WDR41: variants seen among roughly 807,000 people sequenced by gnomAD.
WDR41 encodes the protein WD repeat domain 41.
Under a neutral mutation model 69.3 loss-of-function variants are expected in WDR41, and 63 were observed. That is an observed-to-expected ratio of 0.91 (90% CI 0.74 to 1.12). The LOEUF is 1.12. Ranked by LOEUF, WDR41 falls within the 50% of genes most tolerant of loss-of-function variation. The pLI is 0.00. For missense variants in WDR41, 543 were observed against 534.5 expected, an observed-to-expected ratio of 1.02 and a Z score of -0.16; for synonymous variants, 185 against 192.1, an observed-to-expected ratio of 0.96 and a Z score of 0.31.
chr5:77,466,686 T>C (rs1456433697), intron 2 of WDR41, among the ~76,000 whole-genome samples: 1 of 151,868 alleles, frequency 6.6e-6, no homozygotes, highest in African/African-American at 2.4e-5. Flanking sequence ...AAAAGTTAAA[T>C]CTAAATAAGG....
chr5:77,578,431 GT>G (rs1222294286), intron 1 of WDR41, among the ~76,000 whole-genome samples: 1 of 152,002 alleles, frequency 6.6e-6, no homozygotes, highest in African/African-American at 2.4e-5. Context: ...CATTTTCCAA[GT>G]AAAAAATGCA....
chr5:77,442,894 C>CAAAAA (rs60442242), intron 8 of WDR41, among the ~76,000 whole-genome samples: 5 of 56,264 alleles, frequency 8.9e-5, no homozygotes, highest in Middle Eastern at 0.019. Context: ...TCTGTCTCCC[C>CAAAAA]AAAAAAAAAA....
intron 1 of WDR41, among the ~76,000 whole-genome samples, chr5:77,583,558 T>C (rs1439668321): frequency 1.3e-5 from 2 of 151,780 alleles, no homozygotes; most frequent in African/African-American, 4.8e-5. Context: ...TTCATGTCTG[T>C]ATCAAAATAT....
chr5:77,490,369 C>T (rs373696398), intron 1 of WDR41, among the ~76,000 whole-genome samples: 21 of 152,236 alleles, frequency 1.4e-4, no homozygotes, highest in Middle Eastern at 3.4e-3. Flanking sequence ...CTCTGCAAGG[C>T]ATGACAATCA....
chr5:77,439,254 C>A (rs1799065756), intron 9 of WDR41, among the ~76,000 whole-genome samples: 1 of 152,192 alleles, frequency 6.6e-6, no homozygotes, highest in African/African-American at 2.4e-5. Context: ...TTCTTGTTTT[C>A]ACCAGAGATT....
upstream of WDR41, chr5:77,492,461 A>T (rs1399070515): frequency 2.2e-6 from 1 of 444,958 alleles, no homozygotes; most frequent in Admixed American, 4.4e-5. Flanking sequence ...GCGGCGGCCG[A>T]CGGCGGGGGC....
chr5:77,583,842 T>C (rs1434428863), intron 1 of WDR41, among the ~76,000 whole-genome samples: 1 of 152,156 alleles, frequency 6.6e-6, no homozygotes, highest in Non-Finnish European at 1.5e-5. Flanking sequence ...TTTATAAATA[T>C]GGATGCAAAA....
At chr5:77,504,824 G>T (rs1023820813) in intron 1 of WDR41, among the ~76,000 whole-genome samples, 3 of 152,060 alleles carry the variant, frequency 2.0e-5, no homozygotes, top group Non-Finnish European at 4.4e-5. Flanking sequence ...AAATTCAACA[G>T]CCCTTCACGC....
intron 1 of WDR41, among the ~76,000 whole-genome samples, chr5:77,551,741 G>T (rs1554035987): frequency 6.6e-6 from 1 of 151,402 alleles, no homozygotes; most frequent in Non-Finnish European, 1.5e-5. Flanking sequence ...ACTTTGGGAG[G>T]CCGAGGTGGG....
At chr5:77,601,686 C>T (rs2112324900) in intron 1 of WDR41, among the ~76,000 whole-genome samples, 1 of 152,306 alleles carries the variant, frequency 6.6e-6, no homozygotes, top group Admixed American at 6.5e-5. Flanking sequence ...TTCAAGTTCA[C>T]CACCCAATGG....
rs1487985546 is a variant in WDR41 at position 77,431,352 on chromosome 5, G to A, written c.*1783C>T. 2.6e-5 allele frequency: 4 copies of A among 152,238 alleles called. No individual in the cohort carries two copies. The highest frequency in any genetic ancestry group is 7.2e-5 in the African/African-American group (3 of 41,416). 9.4% of individuals were successfully genotyped at this position (152,238 alleles called of 1,614,324 possible). A position where few individuals can be genotyped will look rare whatever the true frequency, so the allele number is the denominator to read the frequency against. On this transcript the variant is annotated 3_prime_UTR_variant, in exon 13 of 13. Coordinates refer to ENST00000296679, the MANE Select transcript of WDR41 (RefSeq NM_018268.4). The stretch of plus-strand genomic sequence containing the variant: ...AAGATTATGACTCGCTGAAGGCTCA[G>A]ATGATTGTTAGCATTTTTTAGCAAT...
intron 1 of WDR41, among the ~76,000 whole-genome samples, chr5:77,556,412 TG>T (rs1743397004): frequency 6.7e-6 from 1 of 149,650 alleles, no homozygotes; most frequent in African/African-American, 2.5e-5. Flanking sequence ...ACTGACTGAC[TG>T]TTTGTTTGTT....
Position 77,436,389 on chromosome 5 carries a change from A to G in WDR41, c.1099T>C (p.Phe367Leu), listed in dbSNP as rs1798936516. 6.2e-7 allele frequency: 1 copy of G among 1,613,630 alleles called. No individual in the cohort carries two copies. Among genetic ancestry groups the G allele is most frequent in the Non-Finnish European group, 8.5e-7 (1 of 1,179,844 alleles). ...LAAEPVPTGF[F>L]NMWGFGRVSK... ...ACTCTTCCAAATCCCCACATGTTAA[A>G]AAAACCTAGAAAAAGAATCATTTCC... The change falls in exon 12 of 13, where the codon TTT becomes CTT. Residue 367 changes from phenylalanine to leucine, a missense_variant. By Grantham distance (22) the Phe-to-Leu change is conservative. Transcript: ENST00000296679.
chr5:77,474,113 T>G (rs1216834657), intron 2 of WDR41, among the ~76,000 whole-genome samples: 1 of 152,076 alleles, frequency 6.6e-6, no homozygotes, highest in Admixed American at 6.6e-5. Flanking sequence ...CCATAAAACA[T>G]GATGAGTTCA....
intron 8 of WDR41, among the ~76,000 whole-genome samples, chr5:77,448,823 A>G (rs917498897): frequency 6.6e-6 from 1 of 152,076 alleles, no homozygotes; most frequent in African/African-American, 2.4e-5. Context: ...AGTCGAGACC[A>G]TGCCACTGAA....
At chr5:77,445,445 C>T (rs1310059723) in intron 8 of WDR41, among the ~76,000 whole-genome samples, 2 of 152,124 alleles carry the variant, frequency 1.3e-5, no homozygotes, top group African/African-American at 4.8e-5. Context: ...CATCCTGACA[C>T]CAAAACCAGG....
rs1036589584 is a variant in WDR41, at chr5:77,582,762, G to T, written c.42+37717C>A. 3 of 1,597,000 alleles carry T rather than the reference G, an allele frequency of 1.9e-6. No individual in the cohort carries two copies. The East Asian group carries it at 6.7e-5, about 36-fold the overall frequency. On this transcript the variant is annotated intron_variant, in intron 1 of 5. Transcript: ENST00000509971. ...CCTTTGTGAAGCTCAACAAGGCTTCGATTAACATGCTGAGGATTGTAGAGC... is the reference window on the plus strand; with the variant it reads ...CCTTTGTGAAGCTCAACAAGGCTTCTATTAACATGCTGAGGATTGTAGAGC...
upstream of WDR41, among the ~76,000 whole-genome samples, chr5:77,497,158 T>C (rs933425997): frequency 6.6e-6 from 1 of 152,028 alleles, no homozygotes; most frequent in Admixed American, 6.6e-5. Context: ...GAAAAAAAAT[T>C]GGAGGAGAAA....
chr5:77,582,692 G>T, intron 1 of WDR41: 1 of 1,598,032 alleles, frequency 6.3e-7, no homozygotes, highest in Non-Finnish European at 8.5e-7. Context: ...CCAAAGGTCC[G>T]AAAGGTGTTG....
Sources: gnomAD v4.1 joint callset for allele counts (sites outside exome capture counted in the v4.1 genomes callset) on GRCh38, gnomAD v4.1.1 for gene constraint, MANE v1.5 for transcripts, NCBI Gene and HGNC (gene_info 2026-07-23, HGNC 2026-07-21) for gene names.